Variants in KIF3C observed in about 807,000 individuals in gnomAD.
The protein encoded by KIF3C is kinesin-like protein KIF3C.
KIF3C carries 12 observed loss-of-function variants against 67.7 expected under a neutral mutation model. The ratio of observed to expected loss-of-function variants is 0.18; its 90% CI spans 0.11 to 0.29. The LOEUF (loss-of-function observed/expected upper bound fraction) is 0.29. Among genes scored for constraint, KIF3C ranks in the 10% least tolerant of loss-of-function variants. KIF3C has a pLI of 1.00. For synonymous variants in KIF3C, 393 were observed against 426.2 expected, an observed-to-expected ratio of 0.92 and a Z score of 0.96; for missense variants, 789 against 1,059.6, an observed-to-expected ratio of 0.74 and a Z score of 3.55.
chr2:25,975,953 G>A (rs13408937), intron 1 of KIF3C, among the ~76,000 whole-genome samples: 2,009 of 151,520 alleles, frequency 0.013, 38 homozygotes, highest in African/African-American at 0.045. Flanking sequence ...GTGAGACTCC[G>A]CCTCAAAAAA....
chr2:25,963,174 G>GTATATATATATATATA (rs1553716012), intron 1 of KIF3C, among the ~76,000 whole-genome samples: 4 of 34,308 alleles, frequency 1.2e-4, no homozygotes, highest in Admixed American at 6.9e-4. Flanking sequence ...ATGTGTGTGT[G>GTATATATATATATATA]TATATATATA....
chr2:25,954,137 C>T (rs12996840), intron 4 of KIF3C, 130 bp downstream of exon 4: 1 of 732,770 alleles, frequency 1.4e-6, no homozygotes, highest in South Asian at 1.6e-5. Flanking sequence ...TCCCTCAGCC[C>T]TCAGACGCAT....
chr2:25,952,977 C>T (rs554046483), intron 4 of KIF3C, among the ~76,000 whole-genome samples: 38 of 152,146 alleles, frequency 2.5e-4, no homozygotes, highest in Non-Finnish European at 1.2e-4. Flanking sequence ...TGTATCAAAA[C>T]ATCTCATGTG....
In KIF3C at chr2:25,981,910, C is replaced by T. The variant is rs1273691320; in HGVS notation, c.8G>A (p.Ser3Asn). The T allele has an allele frequency of 6.5e-7, 1 of 1,549,260 alleles. No individual in the cohort carries two copies. Among genetic ancestry groups the T allele is most frequent in the African/African-American group, 1.4e-5 (1 of 73,568 alleles). Reference sequence around the variant, plus strand: ...GAGGGCCTCGCTGGCCTTGGTCTTACTGGCCATCTTGCTGCTCTGACCTTC... The same window carrying T: ...GAGGGCCTCGCTGGCCTTGGTCTTATTGGCCATCTTGCTGCTCTGACCTTC... Reference protein sequence around the residue: MASKTKASEALKV... With the variant: MANKTKASEALKV... The change falls in exon 1 of 8, where the codon AGT (serine) becomes AAT (asparagine). Residue 3 changes from serine (S) to asparagine (N), a missense_variant. Physicochemically the swap from Ser to Asn is conservative, Grantham distance 46. Coordinates refer to ENST00000264712, the MANE Select transcript of KIF3C (RefSeq NM_002254.8). This position sits in a 1 kb window ranked among gnomAD's most constrained non-coding sequence, Gnocchi z 8.2.
At chr2:25,944,203 G>A (rs1051783167) in intron 5 of KIF3C, among the ~76,000 whole-genome samples, 7 of 151,986 alleles carry the variant, frequency 4.6e-5, no homozygotes, top group East Asian at 3.9e-4. Context: ...GTGATCCACC[G>A]TGCACAGCTA....
chr2:25,952,010 G>C, intron 4 of KIF3C, 105 bp from the exon 5 acceptor site: 1 of 799,128 alleles, frequency 1.3e-6, no homozygotes, highest in Non-Finnish European at 2.1e-6. Context: ...AGGCAGAGGG[G>C]GCTGGGCACG....
At chr2:25,948,667 A>T (rs1318464120) in intron 5 of KIF3C, among the ~76,000 whole-genome samples, 2 of 150,622 alleles carry the variant, frequency 1.3e-5, no homozygotes, top group African/African-American at 2.5e-5. Flanking sequence ...AGAAAGAGAG[A>T]AAGAGAGAGA....
At chr2:25,977,500 C>T (rs1664447068) in intron 1 of KIF3C, among the ~76,000 whole-genome samples, 1 of 152,036 alleles carries the variant, frequency 6.6e-6, no homozygotes, top group Non-Finnish European at 1.5e-5. Context: ...GGCTCTACTC[C>T]CAGCAAGCTG....
chr2:25,953,133 G>T (rs1026465927), intron 4 of KIF3C, among the ~76,000 whole-genome samples: 6 of 151,432 alleles, frequency 4.0e-5, no homozygotes, highest in African/African-American at 4.8e-5. Context: ...GTCAGGTGTG[G>T]TGGTGGGCGC....
chr2:25,948,628 AAG>A (rs1042905052), intron 5 of KIF3C, among the ~76,000 whole-genome samples: 5 of 98,508 alleles, frequency 5.1e-5, no homozygotes, highest in Non-Finnish European at 1.0e-4. Context: ...GAAAGAGAGA[AAG>A]AGAGAGAGAA....
At chr2:25,940,131 G>A (rs1480773050) in intron 5 of KIF3C, among the ~76,000 whole-genome samples, 1 of 152,134 alleles carries the variant, frequency 6.6e-6, no homozygotes, top group Non-Finnish European at 1.5e-5. Context: ...CAGTGTGAGT[G>A]CAACTCTTCA....
intron 1 of KIF3C, among the ~76,000 whole-genome samples, chr2:25,976,578 C>T (rs1664421347): frequency 6.6e-6 from 1 of 151,978 alleles, no homozygotes; most frequent in African/African-American, 2.4e-5. Flanking sequence ...TTGCCAACCT[C>T]ATGAAACCCC....
At chr2:25,962,790 T>C (rs1242788831) in intron 1 of KIF3C, among the ~76,000 whole-genome samples, 1 of 95,850 alleles carries the variant, frequency 1.0e-5, no homozygotes, top group Non-Finnish European at 1.9e-5. Context: ...ATATATATAA[T>C]ATATATTATA....
At chr2:25,954,743 C>A (rs116535789) in intron 3 of KIF3C, among the ~76,000 whole-genome samples, 20,329 of 152,130 alleles carry the variant, frequency 0.13, 1,458 homozygotes, top group African/African-American at 0.17. Context: ...CACAACCAGC[C>A]AATAGAAGAG....
intron 5 of KIF3C, chr2:25,938,242 C>T: frequency 2.2e-6 from 1 of 451,304 alleles, no homozygotes; most frequent in South Asian, 1.6e-5. Context: ...TACCTGTAAC[C>T]CCAGCTACTG....
At chr2:25,974,051 T>C (rs1664347529) in intron 1 of KIF3C, among the ~76,000 whole-genome samples, 1 of 152,212 alleles carries the variant, frequency 6.6e-6, no homozygotes, top group Non-Finnish European at 1.5e-5. Context: ...AAGTGCTTTA[T>C]GTTCGTTCTC....
chr2:25,962,527 C>T, intron 1 of KIF3C, among the ~76,000 whole-genome samples: 1 of 150,800 alleles, frequency 6.6e-6, no homozygotes, highest in Admixed American at 6.7e-5. Flanking sequence ...TACAGGCGCG[C>T]ACCACCACAC....
chr2:25,976,892 C>T (rs1055786030), intron 1 of KIF3C, among the ~76,000 whole-genome samples: 6 of 152,156 alleles, frequency 3.9e-5, no homozygotes, highest in South Asian at 2.1e-4. Context: ...ATGTATACTG[C>T]GCACAAATAT....
intron 1 of KIF3C, among the ~76,000 whole-genome samples, chr2:25,969,596 A>G (rs1468102588): frequency 1.3e-5 from 2 of 152,236 alleles, no homozygotes; most frequent in African/African-American, 4.8e-5. Flanking sequence ...TAAAATCCCT[A>G]GCAATAACCA....
Sources: allele counts gnomAD v4.1 joint callset (sites outside exome capture counted in the v4.1 genomes callset), GRCh38; gene constraint gnomAD v4.1.1; non-coding constraint Gnocchi (gnomAD v3.1); transcripts MANE v1.5; gene names NCBI Gene and HGNC (gene_info 2026-07-23, HGNC 2026-07-21).